Variants in ZRANB3 observed in about 807,000 individuals in gnomAD.
ZRANB3 encodes the protein DNA annealing helicase and endonuclease ZRANB3.
In ZRANB3, 125 loss-of-function variants were observed where a neutral mutation model predicts 133.8. The observed-to-expected ratio is 0.93, with a 90% CI of 0.81 to 1.08. The LOEUF (loss-of-function observed/expected upper bound fraction) is 1.08. Ranked by LOEUF, ZRANB3 falls within the 50% of genes least tolerant of loss-of-function variation. The pLI is 0.00. For synonymous variants in ZRANB3, 387 were observed against 432.7 expected (o/e 0.89, Z 1.31); for missense variants, 1,229 against 1,275.5 (o/e 0.96, Z 0.56).
intron 2 of ZRANB3, among the ~76,000 whole-genome samples, chr2:135,409,248 T>C (rs982356314): frequency 1.1e-4 from 16 of 152,138 alleles, no homozygotes; most frequent in Admixed American, 6.6e-4. Context: ...ACCAAGCTAT[T>C]CATGAATGAT....
intron 3 of ZRANB3, among the ~76,000 whole-genome samples, chr2:135,362,774 C>A (rs180953958): frequency 6.6e-6 from 1 of 152,246 alleles, no homozygotes; most frequent in Non-Finnish European, 1.5e-5. Context: ...CAGGTGCACA[C>A]CACTGTGCCC....
intron 17 of ZRANB3, among the ~76,000 whole-genome samples, chr2:135,216,824 G>A (rs1694331292): frequency 1.3e-5 from 2 of 152,134 alleles, no homozygotes; most frequent in Non-Finnish European, 2.9e-5. Flanking sequence ...TAAGAAAAGA[G>A]TTTACAAAGA....
chr2:135,251,462 T>C (rs970983080), intron 12 of ZRANB3, among the ~76,000 whole-genome samples: 1 of 152,168 alleles, frequency 6.6e-6, no homozygotes, highest in Non-Finnish European at 1.5e-5. Context: ...TGATATAGTT[T>C]GGCTGTGTCC....
At chr2:135,226,368 A>AT (rs887342819) in intron 14 of ZRANB3, among the ~76,000 whole-genome samples, 6 of 152,210 alleles carry the variant, frequency 3.9e-5, no homozygotes, top group African/African-American at 1.4e-4. Flanking sequence ...ATGTAGGTAG[A>AT]ATAAGCATTT....
chr2:135,219,506 A>G (rs555301000), intron 15 of ZRANB3, among the ~76,000 whole-genome samples: 10 of 152,224 alleles, frequency 6.6e-5, no homozygotes, highest in Non-Finnish European at 8.8e-5. Context: ...AAAACAATAA[A>G]ATTTGTACAC....
chr2:135,443,786 C>T (rs984147250), intron 2 of ZRANB3, among the ~76,000 whole-genome samples: 3 of 151,924 alleles, frequency 2.0e-5, no homozygotes, highest in Admixed American at 2.0e-4. Flanking sequence ...AATGAAGAGA[C>T]TAAAAAGACA....
At chr2:135,269,199 G>A in intron 10 of ZRANB3, 58 bp from the exon 11 acceptor site, 2 of 1,380,710 alleles carry the variant, frequency 1.4e-6, no homozygotes, top group Non-Finnish European at 1.9e-6. Context: ...ATATAATAAA[G>A]TATTTCTGAA....
At chr2:135,503,992 G>A (rs1693060777) in intron 2 of ZRANB3, among the ~76,000 whole-genome samples, 1 of 151,712 alleles carries the variant, frequency 6.6e-6, no homozygotes, top group Non-Finnish European at 1.5e-5. Context: ...TCTGGTAATA[G>A]ACAAAAAAAC....
chr2:135,413,472 G>T (rs1688404639), intron 2 of ZRANB3, among the ~76,000 whole-genome samples: 1 of 152,110 alleles, frequency 6.6e-6, no homozygotes, highest in Non-Finnish European at 1.5e-5. Flanking sequence ...TATATCTGTT[G>T]TGAGTATTTA....
intron 2 of ZRANB3, among the ~76,000 whole-genome samples, chr2:135,493,157 A>G (rs1178581961): frequency 1.4e-5 from 1 of 69,218 alleles, no homozygotes; most frequent in African/African-American, 6.8e-5. Flanking sequence ...ATATATATAT[A>G]TATATATATA....
At chr2:135,292,998 C>G (rs1681841192) in intron 8 of ZRANB3, among the ~76,000 whole-genome samples, 1 of 151,978 alleles carries the variant, frequency 6.6e-6, no homozygotes, top group South Asian at 2.1e-4. Context: ...GTTACTGTAG[C>G]CTTGTAGTAT....
At chr2:135,379,848 TA>T (rs1346271896) in intron 3 of ZRANB3, among the ~76,000 whole-genome samples, 6 of 152,062 alleles carry the variant, frequency 3.9e-5, no homozygotes, top group African/African-American at 7.3e-5. Flanking sequence ...ATGTACCCAT[TA>T]AAAGACAGAA....
chr2:135,418,272 T>C (rs1350932419), intron 2 of ZRANB3, among the ~76,000 whole-genome samples: 1 of 152,218 alleles, frequency 6.6e-6, no homozygotes, highest in Non-Finnish European at 1.5e-5. Flanking sequence ...GTGCAAATAC[T>C]ATGCCATTTT....
In ZRANB3 at chr2:135,471,628, T is replaced by A. The variant is rs533290558; in HGVS notation, c.161+32701A>T. On this transcript the variant is annotated intron_variant, in intron 2 of 20. Coordinates refer to ENST00000264159, the MANE Select transcript of ZRANB3 (RefSeq NM_032143.4). The stretch of plus-strand genomic sequence containing the variant: ...AAAGAAAGGTAATTAGGCAGTGATT[T>A]TGCAACTATATATTTACTGGGGAAT... 3.0e-3 allele frequency among the ~76,000 whole-genome samples: 452 copies of A among 152,334 alleles called. 1 individual carries two copies. The highest frequency in any genetic ancestry group is 0.01 in the African/African-American group (428 of 41,570).
chr2:135,343,521 A>G (rs1034756878), intron 6 of ZRANB3, among the ~76,000 whole-genome samples: 2 of 149,698 alleles, frequency 1.3e-5, no homozygotes, highest in African/African-American at 2.6e-5. Context: ...GAAGAATTCT[A>G]TCTTTGTACT....
intron 2 of ZRANB3, among the ~76,000 whole-genome samples, chr2:135,449,800 C>T (rs1225010514): frequency 3.9e-5 from 6 of 152,098 alleles, no homozygotes; most frequent in African/African-American, 1.4e-4. Flanking sequence ...CTCTATCATC[C>T]AGGCTACAGT....
At chr2:135,448,175 T>C (rs530989502) in intron 2 of ZRANB3, among the ~76,000 whole-genome samples, 1 of 152,274 alleles carries the variant, frequency 6.6e-6, no homozygotes, top group African/African-American at 2.4e-5. Context: ...TTAAAAGAAA[T>C]AGAAAAATAC....
At chr2:135,275,230 G>A (rs1424574364) in intron 9 of ZRANB3, among the ~76,000 whole-genome samples, 26 of 108,894 alleles carry the variant, frequency 2.4e-4, no homozygotes, top group African/African-American at 6.7e-4. Flanking sequence ...CCTCCCGGAC[G>A]GGGCGGCTGG....
chr2:135,336,257 T>C (rs972928419), intron 6 of ZRANB3, among the ~76,000 whole-genome samples: 5 of 152,240 alleles, frequency 3.3e-5, no homozygotes, highest in Admixed American at 3.3e-4. Context: ...TGTTTGTCAT[T>C]ACTTAGGTAT....
Sources: gnomAD v4.1 joint callset for allele counts (sites outside exome capture counted in the v4.1 genomes callset) on GRCh38, gnomAD v4.1.1 for gene constraint, MANE v1.5 for transcripts, NCBI Gene and HGNC (gene_info 2026-07-23, HGNC 2026-07-21) for gene names.